NAV2: variants seen among roughly 807,000 people sequenced by gnomAD.
The protein encoded by NAV2 is neuron navigator 2, also known as helicase, APC down-regulated 1.
Under a neutral mutation model 223.2 loss-of-function variants are expected in NAV2, and 54 were observed. The ratio of observed to expected loss-of-function variants is 0.24; its 90% confidence interval spans 0.19 to 0.30. The LOEUF (loss-of-function observed/expected upper bound fraction) is 0.30, where lower values mean the gene tolerates loss of function less well. Ranked by LOEUF, NAV2 falls within the 10% of genes least tolerant of loss-of-function variation. NAV2 has a pLI of 1.00. For synonymous variants in NAV2, 1,279 were observed against 1,239.3 expected, an observed-to-expected ratio of 1.03 and a Z score of -0.67; for missense variants, 2,806 against 3,147.5, an observed-to-expected ratio of 0.89 and a Z score of 2.60.
chr11:19,718,079 CTG>C (rs1438850053), intron 1 of NAV2, among the ~76,000 whole-genome samples: 4 of 112,248 alleles, frequency 3.6e-5, no homozygotes, highest in South Asian at 3.1e-4. Flanking sequence ...GTGCAGGAAA[CTG>C]TGTTCTGCAG....
rs116156433 is a variant in NAV2 at position 20,015,432 on chromosome 11, C to T, written c.2769-20527C>T. Among the ~76,000 whole-genome samples the T allele has an allele frequency of 3.8e-3, 582 of 152,290 alleles. 9 individuals carry two copies. The highest frequency in any genetic ancestry group is 0.014 in the African/African-American group (564 of 41,558). ...TTTCACCAAAATTGTCAACTTTCAC[C>T]ATTGCACAGCATTCCTATACAGGCA... On this transcript the variant is annotated intron_variant, in intron 11 of 37. Coordinates refer to ENST00000349880, the MANE Select transcript of NAV2 (RefSeq NM_145117.5).
intron 11 of NAV2, among the ~76,000 whole-genome samples, chr11:19,996,195 A>G (rs190139402): frequency 2.6e-5 from 4 of 152,288 alleles, no homozygotes; most frequent in Admixed American, 6.5e-5. Flanking sequence ...TGGCCACAAA[A>G]CTTCTGCTTT....
At chr11:19,725,445 C>T (rs2051156083) in intron 1 of NAV2, among the ~76,000 whole-genome samples, 1 of 152,178 alleles carries the variant, frequency 6.6e-6, no homozygotes, top group Non-Finnish European at 1.5e-5. Context: ...GGTCATAAAA[C>T]CCAGCAAAGA....
At chr11:19,927,505 C>G (rs913776196) in intron 6 of NAV2, among the ~76,000 whole-genome samples, 2 of 152,192 alleles carry the variant, frequency 1.3e-5, no homozygotes, top group Non-Finnish European at 2.9e-5. Flanking sequence ...TTGCCTGCAT[C>G]TGGGAGGTGG....
At chr11:20,014,383 G>A (rs2053831498) in intron 11 of NAV2, among the ~76,000 whole-genome samples, 1 of 152,150 alleles carries the variant, frequency 6.6e-6, no homozygotes, top group Admixed American at 6.5e-5. Flanking sequence ...CTCTCTCTGT[G>A]CCCCTACAGC....
intron 36 of NAV2, 133 bp downstream of exon 36, chr11:20,107,915 G>C (rs2062283125): frequency 8.8e-6 from 6 of 679,044 alleles, no homozygotes; most frequent in South Asian, 8.6e-5. Context: ...GAGTTCATCA[G>C]TGTAGTCCAG....
intron 1 of NAV2, among the ~76,000 whole-genome samples, chr11:19,598,066 G>T (rs1433603856): frequency 6.6e-6 from 1 of 152,232 alleles, no homozygotes; most frequent in African/African-American, 2.4e-5. Context: ...CCAGGCCCCA[G>T]CCACTGACCA....
chr11:19,986,216 A>G (rs2050783899), intron 11 of NAV2, among the ~76,000 whole-genome samples: 1 of 152,218 alleles, frequency 6.6e-6, no homozygotes, highest in Non-Finnish European at 1.5e-5. Context: ...TTGAAAAGAT[A>G]GGTAGCACTT....
rs1274578930 is a variant in NAV2 at position 19,460,507 on chromosome 11, C to T, written c.75+109480C>T. Among the ~76,000 whole-genome samples the T allele has an allele frequency of 2.6e-5, 4 of 152,252 alleles. No individual in the cohort carries two copies. The South Asian group carries it at 8.3e-4, about 32-fold the overall frequency. On this transcript the variant is annotated intron_variant, in intron 1 of 37. Coordinates refer to the NAV2 transcript ENST00000360655. ...ATCATTTAAAAAATTCCTTTGGTAGCTTCTTCCCTTGCGCTTCCCAGGTGA... is the reference window on the plus strand; with the variant it reads ...ATCATTTAAAAAATTCCTTTGGTAGTTTCTTCCCTTGCGCTTCCCAGGTGA...
intron 1 of NAV2, among the ~76,000 whole-genome samples, chr11:19,801,545 C>T (rs898212035): frequency 2.6e-5 from 4 of 152,188 alleles, no homozygotes; most frequent in Non-Finnish European, 5.9e-5. Flanking sequence ...AAGGCAGTTT[C>T]GGCCTCCACC....
At position 20,097,590 on chromosome 11, in the gene NAV2, A is replaced by G. The variant is rs1439761912; in HGVS notation, c.6026A>G (p.His2009Arg). ...TATTTTTTCCAGGAATACATCATTC[A>G]TGTCGACCCAGTGAGTCAGCTAGGG... ...VRRLFKEYII[H>R]VDPVSQLGLN... The change falls in exon 31 of 38, where the codon CAT (histidine) becomes CGT (arginine). Residue 2009 changes from histidine (H) to arginine (R), a missense_variant. His to Arg is a conservative substitution (Grantham distance 29, BLOSUM62 0). Coordinates refer to ENST00000349880, the MANE Select transcript of NAV2 (RefSeq NM_145117.5). 1.3e-6 allele frequency: 2 copies of G among 1,594,938 alleles called. No homozygotes were observed. The highest frequency in any genetic ancestry group is 1.9e-5 in the Admixed American group (1 of 54,012).
At chr11:19,777,682 GGT>G (rs1365966385) in intron 1 of NAV2, 10 of 400,780 alleles carry the variant, frequency 2.5e-5, no homozygotes, top group Middle Eastern at 8.2e-4. Context: ...TCTCAGGGGA[GGT>G]GTGTGTGTTT....
At position 19,842,878 on chromosome 11, in the gene NAV2, A is replaced by G; in HGVS notation, c.393A>G (p.Glu131=). ...LAQIIQVVAN[E]KIEDINGCPK... ...TTGTGTTTCCTTTTTCAGCAAATGA[A>G]AAGATTGAAGACATCAATGGCTGTC... The change falls in exon 3 of 38, where the codon GAA becomes GAG. Residue 131 remains glutamate, a synonymous_variant. Coordinates refer to ENST00000349880, the MANE Select transcript of NAV2 (RefSeq NM_145117.5). The G allele has an allele frequency of 6.2e-7, 1 of 1,614,026 alleles. No homozygotes were observed.
intron 1 of NAV2, among the ~76,000 whole-genome samples, chr11:19,605,569 G>A (rs564200549): frequency 6.6e-6 from 1 of 151,408 alleles, no homozygotes; most frequent in South Asian, 2.1e-4. Context: ...ATGAAAAGCT[G>A]CATAAGCTCT....
rs114271205 is a variant in NAV2 at position 19,968,380 on chromosome 11, C to A, written c.2646-15745C>A. Reference sequence around the variant, plus strand: ...TACAGGCACATACCACCACACTCAACTAATTTTTTGTATTTTTTTAGTAGA... The same window carrying A: ...TACAGGCACATACCACCACACTCAAATAATTTTTTGTATTTTTTTAGTAGA... On this transcript the variant is annotated intron_variant, in intron 10 of 37. Coordinates refer to ENST00000349880, the MANE Select transcript of NAV2 (RefSeq NM_145117.5). 6.1e-3 allele frequency among the ~76,000 whole-genome samples: 929 copies of A among 152,238 alleles called. 10 individuals are homozygous for A. The highest frequency in any genetic ancestry group is 0.02 in the African/African-American group (845 of 41,546).
intron 1 of NAV2, among the ~76,000 whole-genome samples, chr11:19,489,784 C>T (rs533015828): frequency 2.0e-5 from 3 of 152,234 alleles, no homozygotes; most frequent in Admixed American, 6.5e-5. Context: ...GATGCTTCTC[C>T]CCCAAACTGT....
At chr11:19,416,724 G>A (rs1590165004) in intron 1 of NAV2, among the ~76,000 whole-genome samples, 1 of 152,168 alleles carries the variant, frequency 6.6e-6, no homozygotes, top group Non-Finnish European at 1.5e-5. Context: ...AACCGAAACA[G>A]CAAGGTACTG....
chr11:19,697,237 G>A (rs1003737846), intron 1 of NAV2, among the ~76,000 whole-genome samples: 11 of 152,172 alleles, frequency 7.2e-5, no homozygotes, highest in African/African-American at 2.7e-4. Context: ...GAATACACAT[G>A]GTGGTAAAGA....
At chr11:19,668,532 CAAAAAAAAAAAA>C (rs762975832) in intron 1 of NAV2, among the ~76,000 whole-genome samples, 2 of 64,890 alleles carry the variant, frequency 3.1e-5, no homozygotes, top group Non-Finnish European at 5.2e-5. Context: ...GACTCGGTCT[CAAAAAAAAAAAA>C]AAAAAAAAAA....
Sources: allele counts gnomAD v4.1 joint callset (sites outside exome capture counted in the v4.1 genomes callset), GRCh38; gene constraint gnomAD v4.1.1; transcripts MANE v1.5; gene names NCBI Gene and HGNC (gene_info 2026-07-23, HGNC 2026-07-21).